PELI2: variants seen among roughly 807,000 people sequenced by gnomAD.
PELI2 encodes the protein pellino E3 ubiquitin protein ligase family member 2, also known as E3 ubiquitin-protein ligase pellino homolog 2.
Under a neutral mutation model 42.3 loss-of-function variants are expected in PELI2, and 23 were observed. The ratio of observed to expected loss-of-function variants is 0.54; its 90% CI spans 0.39 to 0.77. PELI2 has a LOEUF of 0.77. Among genes scored for constraint, PELI2 ranks in the 30% least tolerant of loss-of-function variants. The pLI, the probability that PELI2 is intolerant of heterozygous loss-of-function variation, is 0.00. For synonymous variants in PELI2, 245 were observed against 212.2 expected (o/e 1.15, Z -1.34); for missense variants, 463 against 553.2 (o/e 0.84, Z 1.64).
At chr14:56,198,985 C>T (rs1346864081) in intron 2 of PELI2, among the ~76,000 whole-genome samples, 1 of 151,694 alleles carries the variant, frequency 6.6e-6, no homozygotes, top group Non-Finnish European at 1.5e-5. Context: ...ATTTTTTGTT[C>T]TTCTTTTCTT....
intron 1 of PELI2, among the ~76,000 whole-genome samples, chr14:56,136,158 A>G (rs1883682736): frequency 1.3e-5 from 2 of 152,204 alleles, no homozygotes; most frequent in Admixed American, 6.5e-5. Context: ...AGCTCTCTGT[A>G]AGGACAGATT....
chr14:56,295,350 C>A (rs1889963353), intron 5 of PELI2, among the ~76,000 whole-genome samples: 1 of 152,072 alleles, frequency 6.6e-6, no homozygotes, highest in African/African-American at 2.4e-5. Flanking sequence ...TCTCGTCCCC[C>A]CCCACCCAGT....
chr14:56,278,944 A>G (rs1169611650), intron 2 of PELI2, among the ~76,000 whole-genome samples: 1 of 152,198 alleles, frequency 6.6e-6, no homozygotes, highest in East Asian at 1.9e-4. Context: ...GAAACATTAA[A>G]AGTATGTGAC....
At chr14:56,238,826 G>A (rs564568244) in intron 2 of PELI2, among the ~76,000 whole-genome samples, 2 of 152,264 alleles carry the variant, frequency 1.3e-5, no homozygotes, top group Admixed American at 1.3e-4. Context: ...GGATTTGTGG[G>A]TTAAAGTTAT....
chr14:56,275,602 A>T (rs1039707912), intron 2 of PELI2, among the ~76,000 whole-genome samples: 2 of 152,132 alleles, frequency 1.3e-5, no homozygotes, highest in African/African-American at 4.8e-5. Flanking sequence ...TCACGCTCCT[A>T]TGAGAACCTA....
intron 2 of PELI2, among the ~76,000 whole-genome samples, chr14:56,256,490 A>G (rs904053089): frequency 3.9e-5 from 6 of 152,090 alleles, no homozygotes; most frequent in Admixed American, 6.5e-5. Context: ...TCAAAGTAAA[A>G]ATTAACTATA....
rs140096477 is a variant in PELI2, at chr14:56,128,003, T to C, written c.77+9266T>C. 5.9e-5 allele frequency among the ~76,000 whole-genome samples: 9 copies of C among 152,310 alleles called. No individual in the cohort carries two copies. The East Asian group carries it at 1.7e-3, about 29-fold the overall frequency. ...GTATGTATATATTTTATTGCATGTG[T>C]GTTCTGCATGGGTATATTAAAAATG... On this transcript the variant is annotated intron_variant, in intron 1 of 5. Coordinates refer to ENST00000267460, the MANE Select transcript of PELI2 (RefSeq NM_021255.3).
At chr14:56,278,474 G>T (rs777776189) in intron 2 of PELI2, among the ~76,000 whole-genome samples, 1 of 152,158 alleles carries the variant, frequency 6.6e-6, no homozygotes, top group Non-Finnish European at 1.5e-5. Flanking sequence ...TTAAGACGAT[G>T]TCTGTTAGTA....
chr14:56,138,266 G>T (rs557599550), intron 1 of PELI2, among the ~76,000 whole-genome samples: 6 of 152,264 alleles, frequency 3.9e-5, no homozygotes, highest in African/African-American at 1.2e-4. Flanking sequence ...TTTGAAAATT[G>T]TACATGTATT....
At chr14:56,217,332 G>A (rs952675297) in intron 2 of PELI2, among the ~76,000 whole-genome samples, 2 of 152,206 alleles carry the variant, frequency 1.3e-5, no homozygotes, top group Admixed American at 6.5e-5. Context: ...CTTCTGGGAG[G>A]GGAATGGGCA....
chr14:56,174,892 C>G (rs1307005318), intron 1 of PELI2, among the ~76,000 whole-genome samples: 1 of 152,214 alleles, frequency 6.6e-6, no homozygotes, highest in Non-Finnish European at 1.5e-5. Context: ...ACTACTCTCT[C>G]CACTTGAACT....
At chr14:56,192,727 A>G (rs1354221667) in intron 2 of PELI2, among the ~76,000 whole-genome samples, 2 of 152,218 alleles carry the variant, frequency 1.3e-5, no homozygotes, top group East Asian at 3.8e-4. Context: ...GGGGACTATA[A>G]TGTTACTCAA....
chr14:56,226,035 G>C (rs914269870), intron 2 of PELI2, among the ~76,000 whole-genome samples: 5 of 151,818 alleles, frequency 3.3e-5, no homozygotes, highest in East Asian at 1.9e-4. Flanking sequence ...CTGACTGCCA[G>C]AGTGAAGGTT....
At chr14:56,293,762 G>C (rs1008648058) in intron 5 of PELI2, among the ~76,000 whole-genome samples, 3 of 152,222 alleles carry the variant, frequency 2.0e-5, no homozygotes, top group African/African-American at 4.8e-5. Flanking sequence ...ACCTACCCCA[G>C]ATGTGGGAGT....
intron 1 of PELI2, among the ~76,000 whole-genome samples, chr14:56,177,449 A>T (rs888454923): frequency 2.0e-5 from 3 of 151,850 alleles, no homozygotes; most frequent in Non-Finnish European, 4.4e-5. Context: ...TTAGTTTTTT[A>T]TTTTTTTTCT....
rs1382429298 is a variant in PELI2, at chr14:56,301,246, A to G, written c.*4080A>G. On this transcript the variant is annotated 3_prime_UTR_variant, in exon 6 of 6. Coordinates refer to ENST00000267460, the MANE Select transcript of PELI2 (RefSeq NM_021255.3). Reference sequence around the variant, plus strand: ...TTTCTTCACTATTGTACCTGTGGAAATACAAGCCATTTTACAGGAAAAAAT... The same window carrying G: ...TTTCTTCACTATTGTACCTGTGGAAGTACAAGCCATTTTACAGGAAAAAAT... The G allele has an allele frequency of 1.3e-5, 2 of 152,658 alleles. No homozygotes were observed. Among genetic ancestry groups the G allele is most frequent in the Admixed American group, 6.5e-5 (1 of 15,276 alleles). The allele number at this position is 152,658 out of a possible 1,614,324, so 9.5% of individuals were successfully genotyped here.
chr14:56,168,379 A>G (rs1168509553), intron 1 of PELI2, among the ~76,000 whole-genome samples: 3 of 152,110 alleles, frequency 2.0e-5, no homozygotes, highest in East Asian at 1.9e-4. Flanking sequence ...TTGGCCCTCA[A>G]ACTAGAAGGT....
chr14:56,244,810 C>G (rs1297413614), intron 2 of PELI2, among the ~76,000 whole-genome samples: 1 of 152,134 alleles, frequency 6.6e-6, no homozygotes, highest in Non-Finnish European at 1.5e-5. Flanking sequence ...TGAGTAAAGA[C>G]CATGTCTGTG....
At chr14:56,263,375 A>G (rs1888788078) in intron 2 of PELI2, among the ~76,000 whole-genome samples, 1 of 147,840 alleles carries the variant, frequency 6.8e-6, no homozygotes, top group Non-Finnish European at 1.5e-5. Context: ...CTTACTGAAG[A>G]AATTACCAGA....
Sources: gnomAD v4.1 joint callset for allele counts (sites outside exome capture counted in the v4.1 genomes callset) on GRCh38, gnomAD v4.1.1 for gene constraint, MANE v1.5 for transcripts, NCBI Gene and HGNC (gene_info 2026-07-23, HGNC 2026-07-21) for gene names.